Variants in NNT observed in about 807,000 individuals in gnomAD.
The protein encoded by NNT is NAD(P) transhydrogenase, mitochondrial.
A neutral mutation model predicts 104.8 loss-of-function variants in NNT; 50 were observed. The observed-to-expected ratio is 0.48, with a 90% CI of 0.38 to 0.60. The LOEUF (loss-of-function observed/expected upper bound fraction) is 0.60, where lower values mean the gene tolerates loss of function less well. Among genes scored for constraint, NNT ranks in the 20% least tolerant of loss-of-function variants. The probability of loss-of-function intolerance (pLI) is 0.00; values close to 1 mark genes in which losing one functional copy is unlikely to be tolerated. For synonymous variants in NNT, 461 were observed against 490.4 expected (o/e 0.94, Z 0.79); for missense variants, 1,131 against 1,330.7 (o/e 0.85, Z 2.33).
chr5:43,681,235 G>A (rs1237644511), intron 19 of NNT, among the ~76,000 whole-genome samples: 1 of 146,074 alleles, frequency 6.8e-6, no homozygotes, highest in African/African-American at 2.6e-5. Context: ...ACTCCAGCCT[G>A]GGTGACAGAG....
At chr5:43,674,839 T>C (rs946119322) in intron 17 of NNT, among the ~76,000 whole-genome samples, 2 of 152,194 alleles carry the variant, frequency 1.3e-5, no homozygotes, top group Non-Finnish European at 2.9e-5. Context: ...TTATTTTTCT[T>C]TTGAGATTAT....
chr5:43,704,376 C>T lies in NNT; in HGVS notation c.3233C>T (p.Ala1078Val), dbSNP rs145466859. 3.0e-5 allele frequency: 49 copies of T among 1,613,290 alleles called. 1 individual carries two copies. Among genetic ancestry groups the T allele is most frequent in the Middle Eastern group, 1.6e-4 (1 of 6,062 alleles). Residue 1078 changes from alanine (A) to valine (V), a missense_variant, in exon 22 of 22, where the codon GCG becomes GTG. By Grantham distance (64) the Ala-to-Val change is moderately conservative (BLOSUM62 0). Coordinates refer to ENST00000344920, the MANE Select transcript of NNT (RefSeq NM_182977.3). ...AAGAAAACATGTGACGCGCTCCAGG[C>T]GAAAGTTAGAGAATCCTATCAGAAG... is the stretch of plus-strand genomic sequence containing the variant. ...DAKKTCDALQAKVRESYQK is the reference protein window; with the variant it reads ...DAKKTCDALQVKVRESYQK
intron 17 of NNT, among the ~76,000 whole-genome samples, chr5:43,661,569 C>T (rs1297849004): frequency 1.8e-5 from 2 of 110,680 alleles, no homozygotes; most frequent in Admixed American, 1.1e-4. Context: ...CCTCCCCCCA[C>T]CCCACCACAG....
At chr5:43,695,858 A>G (rs1742532315) in intron 19 of NNT, among the ~76,000 whole-genome samples, 1 of 152,178 alleles carries the variant, frequency 6.6e-6, no homozygotes, top group Non-Finnish European at 1.5e-5. Flanking sequence ...TCCTTCTTAT[A>G]AAACCACCAG....
At chr5:43,663,137 AG>A (rs1308681391) in intron 17 of NNT, among the ~76,000 whole-genome samples, 1 of 152,136 alleles carries the variant, frequency 6.6e-6, no homozygotes, top group African/African-American at 2.4e-5. Context: ...TTTAGCTCCT[AG>A]TATTATAGCA....
intron 17 of NNT, among the ~76,000 whole-genome samples, chr5:43,660,545 T>C (rs1297691723): frequency 6.6e-6 from 1 of 152,222 alleles, no homozygotes; most frequent in African/African-American, 2.4e-5. Flanking sequence ...TCTGTATTAG[T>C]CCATTCTCAC....
At chr5:43,668,681 A>G (rs1740859545) in intron 17 of NNT, among the ~76,000 whole-genome samples, 1 of 152,184 alleles carries the variant, frequency 6.6e-6, no homozygotes, top group South Asian at 2.1e-4. Flanking sequence ...TGGTTACTGT[A>G]GCCTTGTAGG....
chr5:43,622,142 G>A (rs1420580917), intron 5 of NNT, among the ~76,000 whole-genome samples: 1 of 152,218 alleles, frequency 6.6e-6, no homozygotes, highest in Non-Finnish European at 1.5e-5. Flanking sequence ...TGGGACGATG[G>A]CGGCACCAGA....
intron 5 of NNT, among the ~76,000 whole-genome samples, chr5:43,621,158 A>G (rs900349620): frequency 3.3e-5 from 5 of 152,262 alleles, no homozygotes; most frequent in Non-Finnish European, 7.3e-5. Flanking sequence ...AGTTTGTTCA[A>G]GCCGCAGCCT....
rs192799664 is a variant in NNT, at chr5:43,655,126, T to C, written c.2060-714T>C. Among the ~76,000 whole-genome samples the C allele has an allele frequency of 3.1e-4, 47 of 152,308 alleles. No individual in the cohort carries two copies. In the East Asian group the frequency reaches 8.3e-3, roughly 27 times the overall value. ...CTTCATGTTCCAGGTGTTTCTTATG[T>C]GCTCAGGAGAAAGCACTGGCTATAG... On this transcript the variant is annotated intron_variant, in intron 14 of 21. Coordinates refer to ENST00000344920, the MANE Select transcript of NNT (RefSeq NM_182977.3).
intron 19 of NNT, among the ~76,000 whole-genome samples, chr5:43,684,912 CCT>C (rs1449749015): frequency 6.6e-6 from 1 of 152,058 alleles, no homozygotes; most frequent in African/African-American, 2.4e-5. Context: ...CATTTGATTA[CCT>C]CCAGAGACCC....
chr5:43,640,704 A>G (rs747779778), intron 7 of NNT, among the ~76,000 whole-genome samples: 76 of 151,116 alleles, frequency 5.0e-4, no homozygotes, highest in Non-Finnish European at 8.6e-4. Context: ...TTCCATTTGT[A>G]TTTGTTTTTC....
At chr5:43,621,545 A>G (rs1278907539) in intron 5 of NNT, among the ~76,000 whole-genome samples, 1 of 151,944 alleles carries the variant, frequency 6.6e-6, no homozygotes, top group Non-Finnish European at 1.5e-5. Flanking sequence ...TAATTTTATT[A>G]TTATTATTAT....
At chr5:43,670,881 G>C (rs1741031253) in intron 17 of NNT, among the ~76,000 whole-genome samples, 1 of 152,050 alleles carries the variant, frequency 6.6e-6, no homozygotes, top group South Asian at 2.1e-4. Flanking sequence ...TTGACAGTGG[G>C]GTGTTAAAGT....
chr5:43,644,894 C>A, intron 9 of NNT, 92 bp downstream of exon 9: 1 of 1,067,640 alleles, frequency 9.4e-7, no homozygotes, highest in South Asian at 1.8e-5. Flanking sequence ...GGAATTGAGA[C>A]ATATTTTAAT....
chr5:43,694,713 T>C (rs796079792), intron 19 of NNT, among the ~76,000 whole-genome samples: 53 of 151,730 alleles, frequency 3.5e-4, no homozygotes, highest in African/African-American at 1.2e-3. Flanking sequence ...TGCATCAATG[T>C]TCATCAAGGA....
intron 6 of NNT, 48 bp downstream of exon 6, chr5:43,624,168 CA>C (rs748642636): frequency 2.6e-6 from 4 of 1,539,462 alleles, no homozygotes; most frequent in East Asian, 2.2e-5. Flanking sequence ...CATTTTGTTT[CA>C]GGGGCATATT....
intron 2 of NNT, 46 bp from the exon 3 acceptor site, chr5:43,612,862 G>A (rs1561262232): frequency 7.2e-7 from 1 of 1,388,002 alleles, no homozygotes; most frequent in African/African-American, 1.5e-5. Context: ...TTTTTTGTTT[G>A]TTTTTTTACC....
At chr5:43,672,011 C>T (rs1215277598) in intron 17 of NNT, among the ~76,000 whole-genome samples, 1 of 152,196 alleles carries the variant, frequency 6.6e-6, no homozygotes, top group Non-Finnish European at 1.5e-5. Context: ...CTAAACTTCT[C>T]TTCTCGCTTC....
Sources: gnomAD v4.1 joint callset for allele counts (sites outside exome capture counted in the v4.1 genomes callset) on GRCh38, gnomAD v4.1.1 for gene constraint, MANE v1.5 for transcripts, NCBI Gene and HGNC (gene_info 2026-07-23, HGNC 2026-07-21) for gene names.